The following GIMAP2 variants were observed in gnomAD, a reference collection of about 807,000 sequenced individuals.
GIMAP2 encodes the protein GTPase, IMAP family member 2.
GIMAP2 carries 22 observed loss-of-function variants against 25.5 expected under a neutral mutation model. That is an observed-to-expected ratio of 0.86 (90% CI 0.62 to 1.23). The LOEUF is 1.23. Ranked by LOEUF, GIMAP2 falls within the 50% of genes most tolerant of loss-of-function variation. GIMAP2 has a pLI of 0.00. For synonymous variants in GIMAP2, 167 were observed against 143.0 expected (o/e 1.17, Z -1.20); for missense variants, 422 against 395.7 (o/e 1.07, Z -0.56).
At chr7:150,686,391 G>A (rs1796900594) in intron 1 of GIMAP2, among the ~76,000 whole-genome samples, 1 of 152,166 alleles carries the variant, frequency 6.6e-6, no homozygotes, top group Non-Finnish European at 1.5e-5. Context: ...AGCCTAAGGT[G>A]TAAGGGAAGG....
intron 2 of GIMAP2, chr7:150,689,383 T>C (rs1301179753): frequency 8.0e-6 from 5 of 626,094 alleles, no homozygotes; most frequent in Non-Finnish European, 1.5e-5. Context: ...TTCTCTTCCC[T>C]ATACCCTCCC....
intron 2 of GIMAP2, 153 bp downstream of exon 2, chr7:150,687,240 G>A (rs1164406276): frequency 3.1e-6 from 2 of 640,908 alleles, no homozygotes; most frequent in Non-Finnish European, 5.4e-6. Flanking sequence ...ACCAGCAGCT[G>A]AAAATTGTGG....
chr7:150,687,150 GTGTGTT>G (rs1796913228), intron 2 of GIMAP2, 63 bp downstream of exon 2: 2 of 908,636 alleles, frequency 2.2e-6, no homozygotes, highest in Non-Finnish European at 3.3e-6. Context: ...GTGTGTGTGT[GTGTGTT>G]TGGCTCTTCT....
rs981561854 is a variant in GIMAP2 at position 150,685,808 on chromosome 7, T to C, written c.-9+23T>C. On this transcript the variant is annotated intron_variant, in intron 1 of 2. Transcript: ENST00000223293. ...CAGGTAAGCCCAGATTTACGAAAAG[T>C]TCTGCAGTGTTGATTTCTAGGTCCC... The C allele has an allele frequency of 5.7e-6, 5 of 882,578 alleles. No individual in the cohort carries two copies. In the African/African-American group the frequency reaches 9.1e-5, roughly 16 times the overall value. 54.7% of individuals were successfully genotyped at this position (882,578 alleles called of 1,614,324 possible). A position where few individuals can be genotyped will look rare whatever the true frequency, so the allele number is the denominator to read the frequency against.
In GIMAP2 at chr7:150,693,081, C is replaced by T; in HGVS notation, c.795C>T (p.Ala265=). The part of the protein sequence containing the change: ...ALAEANCLKG[A]LIKTQLCVLF... ...CTGAAGCAAACTGCCTAAAAGGAGCCTTAATCAAAACACAACTGTGTGTTT... is the reference window on the plus strand; with the variant it reads ...CTGAAGCAAACTGCCTAAAAGGAGCTTTAATCAAAACACAACTGTGTGTTT... Residue 265 remains alanine, a synonymous_variant, in exon 3 of 3, where the codon GCC becomes GCT. Transcript: ENST00000223293. 6.2e-7 allele frequency: 1 copy of T among 1,613,876 alleles called. No individual in the cohort carries two copies. Among genetic ancestry groups the T allele is most frequent in the Non-Finnish European group, 8.5e-7 (1 of 1,179,782 alleles).
In GIMAP2 at chr7:150,693,294, G is replaced by T; in HGVS notation, c.1008G>T (p.Arg336Ser). The change falls in exon 3 of 3, where the codon AGG becomes AGT. Residue 336 changes from arginine (R) to serine (S), a missense_variant. Arg to Ser is a moderately radical substitution (Grantham distance 110). Coordinates refer to ENST00000223293, the MANE Select transcript of GIMAP2 (RefSeq NM_015660.3). The part of the protein sequence containing the change: ...TVIRLERKTP[R>S]L ...TTAGACTAGAACGCAAGACTCCTAG[G>T]TTATAGTTACAGATCCCAGTTATTA... 6.5e-7 allele frequency: 1 copy of T among 1,546,992 alleles called. No homozygotes were observed. The highest frequency in any genetic ancestry group is 1.4e-5 in the African/African-American group (1 of 73,060).
At chr7:150,687,739 C>T (rs111327106) in intron 2 of GIMAP2, among the ~76,000 whole-genome samples, 17 of 147,884 alleles carry the variant, frequency 1.1e-4, no homozygotes, top group African/African-American at 3.9e-4. Flanking sequence ...GTGTGTGTCT[C>T]TCTCTCTGTC....
chr7:150,691,606 C>A (rs1388490922), intron 2 of GIMAP2, among the ~76,000 whole-genome samples: 1 of 152,216 alleles, frequency 6.6e-6, no homozygotes, highest in Non-Finnish European at 1.5e-5. Context: ...CATGACCCCA[C>A]TCTGCCCAGC....
rs1253835705 is a variant in GIMAP2, at chr7:150,692,458, A to AC, written c.173dup (p.Lys59Ter). The AC allele has an allele frequency of 6.2e-7, 1 of 1,614,210 alleles. No homozygotes were observed. The highest frequency in any genetic ancestry group is 1.3e-5 in the African/African-American group (1 of 75,054). ...ATCGAAGCTGGGTTCCCAGACCTTG[A>AC]CTAAGACTTGCAGCAAAAGTCAGGG... is the stretch of plus-strand genomic sequence containing the variant. On this transcript the variant is annotated frameshift_variant, in exon 3 of 3. Transcript: ENST00000223293. LOFTEE classifies it high-confidence loss of function.
intron 1 of GIMAP2, 36 bp from the exon 2 acceptor site, chr7:150,687,016 A>G (rs1441750899): frequency 1.4e-6 from 2 of 1,428,634 alleles, no homozygotes. Flanking sequence ...ATGATTTAGA[A>G]CTGAAAAATA....
chr7:150,692,121 A>C (rs576912601), intron 2 of GIMAP2, among the ~76,000 whole-genome samples, 194 bp from the exon 3 acceptor site: 34 of 151,760 alleles, frequency 2.2e-4, no homozygotes, highest in Admixed American at 5.9e-4. Context: ...AGCTACTGGG[A>C]GGCTGAGGCA....
At chr7:150,692,233 A>G in intron 2 of GIMAP2, 82 bp from the exon 3 acceptor site, 3 of 1,363,308 alleles carry the variant, frequency 2.2e-6, no homozygotes, top group Non-Finnish European at 3.0e-6. Flanking sequence ...TCAAAAAAAA[A>G]AGAAAAAGAA....
chr7:150,692,662 G>A lies in GIMAP2; in HGVS notation c.376G>A (p.Ala126Thr). The A allele has an allele frequency of 6.2e-7, 1 of 1,614,202 alleles. No individual in the cohort carries two copies. The change falls in exon 3 of 3, where the codon GCA (alanine) becomes ACA (threonine). Residue 126 changes from alanine to threonine, a missense_variant. Ala to Thr is a moderately conservative substitution (Grantham distance 58). Coordinates refer to ENST00000223293, the MANE Select transcript of GIMAP2 (RefSeq NM_015660.3). ...GRYTSQDQQA[A>T]QRVKEIFGED... is the part of the protein sequence containing the mutation. Reference sequence around the variant, plus strand: ...CTATACCTCACAGGACCAGCAGGCTGCACAGAGGGTGAAGGAGATCTTTGG... The same window carrying A: ...CTATACCTCACAGGACCAGCAGGCTACACAGAGGGTGAAGGAGATCTTTGG...
At chr7:150,688,545 T>C (rs1462650096) in intron 2 of GIMAP2, among the ~76,000 whole-genome samples, 2 of 152,210 alleles carry the variant, frequency 1.3e-5, no homozygotes, top group Non-Finnish European at 2.9e-5. Context: ...TACTGTTCGG[T>C]GCCGTCTAAC....
At chr7:150,689,661 G>C in intron 2 of GIMAP2, 1 of 631,052 alleles carries the variant, frequency 1.6e-6, no homozygotes, top group Non-Finnish European at 2.9e-6. Context: ...AATTTCACTG[G>C]CCTACAGAAA....
Position 150,692,583 on chromosome 7 carries a change from CT to C in GIMAP2, c.299del (p.Leu100CysfsTer13). On this transcript the variant is annotated frameshift_variant, in exon 3 of 3. Coordinates refer to ENST00000223293, the MANE Select transcript of GIMAP2 (RefSeq NM_015660.3). LOFTEE classifies it high-confidence loss of function. ...ALYKEVQRCY[L>X]LSAPGPHVLL... ...TGTACAAAGAGGTGCAGAGGTGCTA[CT>C]TGCTGTCTGCACCAGGACCCCATGT... is the stretch of plus-strand genomic sequence containing the variant. The C allele has an allele frequency of 6.2e-7, 1 of 1,614,034 alleles. No homozygotes were observed. Among genetic ancestry groups the C allele is most frequent in the Non-Finnish European group, 8.5e-7 (1 of 1,179,908 alleles).
rs780589798 is a variant in GIMAP2 at position 150,692,496 on chromosome 7, TAGAG to T, written c.214_217del (p.Glu72LeufsTer40). 2 of 1,614,062 alleles carry T rather than the reference TAGAG, an allele frequency of 1.2e-6. No individual in the cohort carries two copies. The highest frequency in any genetic ancestry group is 1.7e-6 in the Non-Finnish European group (2 of 1,179,982). ...GCAAAAGTCAGGGAAGCTGGGGAAA[TAGAG>T]AGATTGTCATTATTGACACACCAGA... On this transcript the variant is annotated frameshift_variant, in exon 3 of 3. Coordinates refer to ENST00000223293, the MANE Select transcript of GIMAP2 (RefSeq NM_015660.3). LOFTEE classifies it high-confidence loss of function.
intron 2 of GIMAP2, among the ~76,000 whole-genome samples, chr7:150,689,306 G>C (rs763877144): frequency 8.5e-5 from 13 of 152,142 alleles, no homozygotes; most frequent in Non-Finnish European, 1.6e-4. Flanking sequence ...CTCAACTTTG[G>C]TGACATGCCC....
intron 1 of GIMAP2, among the ~76,000 whole-genome samples, 173 bp from the exon 2 acceptor site, chr7:150,686,879 G>A (rs1796906808): frequency 6.8e-6 from 1 of 147,970 alleles, no homozygotes; most frequent in Admixed American, 6.8e-5. Flanking sequence ...AGGATGTGGA[G>A]GTTGCAGTGA....
Sources: gnomAD v4.1 joint callset for allele counts (sites outside exome capture counted in the v4.1 genomes callset) on GRCh38, gnomAD v4.1.1 for gene constraint, MANE v1.5 for transcripts, NCBI Gene and HGNC (gene_info 2026-07-23, HGNC 2026-07-21) for gene names.